Variants in PRKCH observed in about 807,000 individuals in gnomAD.
PRKCH encodes the protein protein kinase C eta, also known as protein kinase C eta type.
A neutral mutation model predicts 82.5 loss-of-function variants in PRKCH; 28 were observed. The ratio of observed to expected loss-of-function variants is 0.34; its 90% CI spans 0.25 to 0.47. The LOEUF is 0.47. PRKCH is among the 20% of genes least tolerant of loss of function. The pLI is 1.00. For missense variants in PRKCH, 705 were observed against 881.8 expected (o/e 0.80, Z 2.54); for synonymous variants, 322 against 327.4 (o/e 0.98, Z 0.18).
upstream of PRKCH, among the ~76,000 whole-genome samples, chr14:61,317,620 T>A (rs1330954069): frequency 6.6e-6 from 1 of 152,134 alleles, no homozygotes; most frequent in Admixed American, 6.5e-5. Flanking sequence ...TTGACATCAT[T>A]TGACCTAGCA....
chr14:61,369,760 G>A (rs549001985), intron 1 of PRKCH, among the ~76,000 whole-genome samples: 50 of 151,934 alleles, frequency 3.3e-4, no homozygotes, highest in Non-Finnish European at 6.9e-4. Context: ...TTCCCCAGAA[G>A]AATTATATTA....
chr14:61,528,973 C>CGAGTGT, intron 10 of PRKCH, 102 bp from the exon 11 acceptor site: 1 of 565,718 alleles, frequency 1.8e-6, no homozygotes, highest in South Asian at 3.3e-5. Flanking sequence ...TGTGGCCGCA[C>CGAGTGT]GTGTGTGTGT....
chr14:61,508,709 G>C (rs895797366), intron 10 of PRKCH, among the ~76,000 whole-genome samples: 8 of 152,138 alleles, frequency 5.3e-5, no homozygotes, highest in Non-Finnish European at 1.0e-4. Flanking sequence ...GATAAGAGGA[G>C]TGGGTTTGGA....
intron 1 of PRKCH, among the ~76,000 whole-genome samples, chr14:61,189,317 G>T (rs1002174371): frequency 6.6e-6 from 1 of 152,212 alleles, no homozygotes; most frequent in Non-Finnish European, 1.5e-5. Context: ...CAGAAACGAG[G>T]CAAAGTCCAT....
chr14:61,496,823 C>A (rs566456768), intron 10 of PRKCH, among the ~76,000 whole-genome samples: 53 of 152,230 alleles, frequency 3.5e-4, no homozygotes, highest in African/African-American at 1.2e-3. Flanking sequence ...TGATTGCTAC[C>A]ATTTATTGAG....
intron 1 of PRKCH, among the ~76,000 whole-genome samples, chr14:61,372,338 C>A (rs2046373330): frequency 6.6e-6 from 1 of 152,038 alleles, no homozygotes; most frequent in Non-Finnish European, 1.5e-5. Context: ...TGTATATACA[C>A]ATATCTGTAA....
intron 1 of PRKCH, among the ~76,000 whole-genome samples, chr14:61,212,774 T>C (rs2044592105): frequency 6.6e-6 from 1 of 152,166 alleles, no homozygotes; most frequent in Non-Finnish European, 1.5e-5. Context: ...ATCTTACCAG[T>C]CTATTGGTGG....
chr14:61,226,213 C>T (rs1444768287), intron 1 of PRKCH, among the ~76,000 whole-genome samples: 4 of 152,182 alleles, frequency 2.6e-5, no homozygotes, highest in Admixed American at 1.3e-4. Flanking sequence ...CACTCTGAGC[C>T]AGGCACTGTG....
At chr14:61,510,434 G>A (rs118073416) in intron 10 of PRKCH, among the ~76,000 whole-genome samples, 2,073 of 151,778 alleles carry the variant, frequency 0.014, 26 homozygotes, top group South Asian at 0.024. Flanking sequence ...AAGAGGAGGG[G>A]GAGCGATTCA....
chr14:61,322,578 T>A, intron 1 of PRKCH, 114 bp downstream of exon 1: 3 of 1,421,866 alleles, frequency 2.1e-6, no homozygotes, highest in Admixed American at 2.5e-5. Context: ...GGGAATTCCC[T>A]CCAGACTTTG....
At chr14:61,487,885 G>A (rs1886295361) in intron 10 of PRKCH, among the ~76,000 whole-genome samples, 1 of 151,956 alleles carries the variant, frequency 6.6e-6, no homozygotes, top group South Asian at 2.1e-4. Context: ...CGGGCGCGGT[G>A]GCTCACGCCT....
In PRKCH at chr14:61,280,335, C is replaced by G; in HGVS notation, c.-19+92667C>G. 6.2e-7 allele frequency: 1 copy of G among 1,613,924 alleles called. No individual in the cohort carries two copies. Among genetic ancestry groups the G allele is most frequent in the Non-Finnish European group, 8.5e-7 (1 of 1,179,940 alleles). On this transcript the variant is annotated intron_variant, in intron 1 of 3. Coordinates refer to the PRKCH transcript ENST00000555185. This position sits in a 1 kb window ranked among gnomAD's most constrained non-coding sequence, Gnocchi z 5.0. ...GCGGCAGCCCGGCCGAGTAGTTGCC[C>G]TGGCGGATGCGCGCGTACAGTTTGC... is the stretch of plus-strand genomic sequence containing the variant.
rs56280986 is a variant in PRKCH at position 61,263,847 on chromosome 14, TTGTGTGTGTGTGTGTGTGTGTGTG to T, written c.-19+76205_-19+76228del. On this transcript the variant is annotated intron_variant, in intron 1 of 3. Transcript: ENST00000555185. ...AGGAAAAGCATCTGAAGTCAGAGTA[TTGTGTGTGTGTGTGTGTGTGTGTG>T]TGTGTGTGTGTGTGTGTGTGTGTGT... Among the ~76,000 whole-genome samples the T allele has an allele frequency of 1.2e-3, 179 of 144,308 alleles. 4 individuals are homozygous for T. Among genetic ancestry groups the T allele is most frequent in the Non-Finnish European group, 6.9e-4 (46 of 66,460 alleles). The allele number at this position is 144,308 out of a possible 152,430, so 94.7% of individuals were successfully genotyped here. A position where few individuals can be genotyped will look rare whatever the true frequency, so the allele number is the denominator to read the frequency against.
intron 1 of PRKCH, among the ~76,000 whole-genome samples, chr14:61,194,981 G>C (rs2044431028): frequency 6.6e-6 from 1 of 152,164 alleles, no homozygotes; most frequent in African/African-American, 2.4e-5. Flanking sequence ...TGATCCGCCT[G>C]CCTTTGCCTC....
chr14:61,542,872 G>A (rs1002496321), intron 12 of PRKCH, among the ~76,000 whole-genome samples: 3 of 152,136 alleles, frequency 2.0e-5, no homozygotes, highest in South Asian at 2.1e-4. Context: ...AGCCTAGGAC[G>A]GCAACAAGAT....
At chr14:61,432,626 C>T (rs932609469) in intron 2 of PRKCH, among the ~76,000 whole-genome samples, 5 of 152,190 alleles carry the variant, frequency 3.3e-5, no homozygotes, top group African/African-American at 4.8e-5. Context: ...CGAGCCACTG[C>T]GCCCAGCAGT....
intron 1 of PRKCH, among the ~76,000 whole-genome samples, chr14:61,240,000 C>A (rs181837978): frequency 3.9e-5 from 6 of 152,330 alleles, no homozygotes; most frequent in African/African-American, 1.4e-4. Context: ...ATGCATCCAG[C>A]AAACCAACTG....
chr14:61,193,558 A>G (rs1381639443), intron 1 of PRKCH, among the ~76,000 whole-genome samples: 1 of 152,202 alleles, frequency 6.6e-6, no homozygotes, highest in Non-Finnish European at 1.5e-5. Flanking sequence ...CATCCTGATC[A>G]AAACCTAGAA....
intron 2 of PRKCH, among the ~76,000 whole-genome samples, chr14:61,400,336 T>C (rs1157385078): frequency 6.6e-6 from 1 of 152,212 alleles, no homozygotes; most frequent in Non-Finnish European, 1.5e-5. Context: ...ATTTCAAGCC[T>C]GGTGACAAGT....
Sources: gnomAD v4.1 joint callset for allele counts (sites outside exome capture counted in the v4.1 genomes callset) on GRCh38, gnomAD v4.1.1 for gene constraint, Gnocchi (gnomAD v3.1) non-coding constraint, MANE v1.5 for transcripts, NCBI Gene and HGNC (gene_info 2026-07-23, HGNC 2026-07-21) for gene names.